The following TEX101 variants were observed in gnomAD, a reference collection of about 807,000 sequenced individuals.
TEX101 encodes testis-expressed protein 101.
A neutral mutation model predicts 18.1 loss-of-function variants in TEX101; 10 were observed. That is an observed-to-expected ratio of 0.55 (90% CI 0.34 to 0.94). The LOEUF is 0.94. TEX101 is among the 40% of genes least tolerant of loss of function. The pLI is 0.02. For synonymous variants in TEX101, 94 were observed against 114.8 expected, an observed-to-expected ratio of 0.82 and a Z score of 1.16; for missense variants, 259 against 298.9, an observed-to-expected ratio of 0.87 and a Z score of 0.98.
chr19:43,394,751 T>G, the TEX101 span, among the ~76,000 whole-genome samples: 1 of 152,218 alleles, frequency 6.6e-6, no homozygotes. Context: ...ATTACAGGCG[T>G]GAGCCACTGC....
intron 1 of TEX101, 84 bp from the exon 2 acceptor site, chr19:43,415,797 G>T: frequency 1.7e-6 from 2 of 1,184,276 alleles, no homozygotes; most frequent in Non-Finnish European, 1.2e-6. Context: ...ACCCCACCCT[G>T]AAGTCAGTAC....
the TEX101 span, among the ~76,000 whole-genome samples, chr19:43,388,643 C>G: frequency 3.3e-5 from 5 of 152,064 alleles, no homozygotes; most frequent in Admixed American, 6.5e-5. Flanking sequence ...CAAATGGTGC[C>G]GTTGAGTCCT....
chr19:43,409,580 C>A (rs1970400929), intron 3 of TEX101, among the ~76,000 whole-genome samples: 1 of 148,954 alleles, frequency 6.7e-6, no homozygotes, highest in South Asian at 2.1e-4. Context: ...ATATACCATG[C>A]AAACAGTAAG....
chr19:43,406,330 G>T, exon 3 of TEX101: 1 of 576,100 alleles, frequency 1.7e-6, no homozygotes, highest in South Asian at 2.1e-5. Context: ...TGACGCGCGC[G>T]AATGGATAGA....
At chr19:43,396,647 G>C (rs1233028748), upstream of TEX101, among the ~76,000 whole-genome samples, 1 of 152,112 alleles carries the variant, frequency 6.6e-6, no homozygotes, top group Non-Finnish European at 1.5e-5. Flanking sequence ...ACCAAATGGA[G>C]GAAGGGAGTT....
rs1568459702 is a variant in TEX101, at chr19:43,418,567, T to A, written c.*170T>A. On this transcript the variant is annotated 3_prime_UTR_variant, in exon 6 of 6. Coordinates refer to ENST00000598265, the MANE Select transcript of TEX101 (RefSeq NM_001130011.3). Reference sequence around the variant, plus strand: ...TTTCTGCTATAATTTTTGTATGCAGTAGGCGTTACTAATAAACATTTCTGC... The same window carrying A: ...TTTCTGCTATAATTTTTGTATGCAGAAGGCGTTACTAATAAACATTTCTGC... 1.7e-6 allele frequency: 1 copy of A among 600,138 alleles called. No individual in the cohort carries two copies. The highest frequency in any genetic ancestry group is 2.9e-6 in the Non-Finnish European group (1 of 344,786). The allele number at this position is 600,138 out of a possible 1,614,324, so 37.2% of individuals were successfully genotyped here. A position where few individuals can be genotyped will look rare whatever the true frequency, so the allele number is the denominator to read the frequency against.
At chr19:43,395,918 C>A in the TEX101 span, among the ~76,000 whole-genome samples, 1 of 152,260 alleles carries the variant, frequency 6.6e-6, no homozygotes, top group South Asian at 2.1e-4. Context: ...AGCTTCTCCA[C>A]CTCCTGAGCC....
At chr19:43,389,690 C>T in the TEX101 span, among the ~76,000 whole-genome samples, 1 of 152,170 alleles carries the variant, frequency 6.6e-6, no homozygotes, top group Non-Finnish European at 1.5e-5. Context: ...GCTGGGTTCT[C>T]CCTTAGGGAA....
At chr19:43,414,661 C>T (rs183171807), upstream of TEX101, among the ~76,000 whole-genome samples, 1,092 of 152,316 alleles carry the variant, frequency 7.2e-3, 12 homozygotes, top group African/African-American at 0.025. Flanking sequence ...ACTGCCCACC[C>T]TCCATTGCGT....
upstream of TEX101, among the ~76,000 whole-genome samples, chr19:43,400,660 A>G (rs781778164): frequency 2.6e-5 from 4 of 152,220 alleles, no homozygotes; most frequent in Non-Finnish European, 5.9e-5. Context: ...TTACTATGCC[A>G]CCAGCTTTCC....
At chr19:43,392,359 G>A in the TEX101 span, among the ~76,000 whole-genome samples, 1 of 151,970 alleles carries the variant, frequency 6.6e-6, no homozygotes, top group Admixed American at 6.6e-5. Context: ...AAAAATCAAT[G>A]GTGTTATAAT....
intron 4 of TEX101, 87 bp downstream of exon 4, chr19:43,416,642 A>C: frequency 1.4e-6 from 2 of 1,402,506 alleles, no homozygotes. Flanking sequence ...GACTTGGCTT[A>C]GCCTAAGTGG....
chr19:43,406,796 A>T (rs113085860), intron 3 of TEX101, among the ~76,000 whole-genome samples: 15 of 152,198 alleles, frequency 9.9e-5, no homozygotes, highest in South Asian at 2.1e-4. Flanking sequence ...CGGTGAAAGC[A>T]GGGCCTCAGG....
chr19:43,390,757 G>C, the TEX101 span, among the ~76,000 whole-genome samples: 2 of 150,924 alleles, frequency 1.3e-5, no homozygotes, highest in African/African-American at 4.9e-5. Context: ...AAGCCACCTC[G>C]CCCGGCCCAT....
chr19:43,411,243 A>AT (rs1343217457), upstream of TEX101, among the ~76,000 whole-genome samples: 2 of 151,962 alleles, frequency 1.3e-5, no homozygotes, highest in African/African-American at 2.4e-5. Flanking sequence ...CGCCCAGCTA[A>AT]TTTTTTCATT....
chr19:43,389,156 G>C, the TEX101 span, among the ~76,000 whole-genome samples: 10 of 152,304 alleles, frequency 6.6e-5, no homozygotes, highest in East Asian at 1.4e-3. Flanking sequence ...TCTCCAGGTG[G>C]AACACGGTAC....
Position 43,406,545 on chromosome 19 carries a change from T to TG in TEX101, c.15+27dup, listed in dbSNP as rs1252492693. On this transcript the variant is annotated intron_variant, in intron 3 of 7. Transcript: ENST00000602198. ...GTACATGGGCCTTGCGGGCTGTGGG[T>TG]GAAATTCCATTATTAATTGTTTTTT... 3 of 682,748 alleles carry TG rather than the reference T, an allele frequency of 4.4e-6. No individual in the cohort carries two copies. The South Asian group carries it at 4.9e-5, about 11-fold the overall frequency. 42.3% of individuals were successfully genotyped at this position (682,748 alleles called of 1,614,324 possible).
rs1166492298 is a variant in TEX101 at position 43,404,920 on chromosome 19, G to A, written c.-282-1303G>A. 2.0e-5 allele frequency among the ~76,000 whole-genome samples: 3 copies of A among 152,036 alleles called. No homozygotes were observed. In the East Asian group the frequency reaches 5.8e-4, roughly 29 times the overall value. On this transcript the variant is annotated intron_variant, in intron 2 of 7. Transcript: ENST00000602198. The stretch of plus-strand genomic sequence containing the variant: ...TTCATCAACAGCTGATTCCCACTGA[G>A]ACATATATTTCAGAAAGGAGAGAAC...
At chr19:43,392,298 G>A in the TEX101 span, among the ~76,000 whole-genome samples, 16,541 of 151,976 alleles carry the variant, frequency 0.11, 1,092 homozygotes, top group Middle Eastern at 0.18. Flanking sequence ...AGAGATTCAG[G>A]GCAGGACTAG....
Sources: allele counts gnomAD v4.1 joint callset (sites outside exome capture counted in the v4.1 genomes callset), GRCh38; gene constraint gnomAD v4.1.1; transcripts MANE v1.5; gene names NCBI Gene and HGNC (gene_info 2026-07-23, HGNC 2026-07-21).